Variants in HS2ST1 observed in about 807,000 individuals in gnomAD.
The protein encoded by HS2ST1 is heparan sulfate 2-O-sulfotransferase 1, also known as 2-O-sulfotransferase.
A neutral mutation model predicts 42.9 loss-of-function variants in HS2ST1; 18 were observed. The observed-to-expected ratio is 0.42, with a 90% CI of 0.29 to 0.62. The LOEUF is 0.62. Ranked by LOEUF, HS2ST1 falls within the 20% of genes least tolerant of loss-of-function variation. The probability of loss-of-function intolerance (pLI) is 0.21; values close to 1 mark genes in which losing one functional copy is unlikely to be tolerated. For missense variants in HS2ST1, 334 were observed against 433.8 expected, an observed-to-expected ratio of 0.77 and a Z score of 2.04; for synonymous variants, 146 against 152.9, an observed-to-expected ratio of 0.95 and a Z score of 0.33.
At chr1:87,033,896 A>T (rs2390217) in intron 1 of HS2ST1, among the ~76,000 whole-genome samples, 111,955 of 152,110 alleles carry the variant, frequency 0.74, 42,759 homozygotes, top group East Asian at 0.97. Context: ...TGTTGACTTA[A>T]AATTCCTTAT....
At chr1:87,021,786 G>T (rs1446871937) in intron 1 of HS2ST1, among the ~76,000 whole-genome samples, 1 of 152,158 alleles carries the variant, frequency 6.6e-6, no homozygotes, top group Non-Finnish European at 1.5e-5. Flanking sequence ...AAAGTGCTGA[G>T]ATTATAGGCA....
chr1:87,047,757 A>G (rs988408970), intron 1 of HS2ST1, among the ~76,000 whole-genome samples: 1 of 152,148 alleles, frequency 6.6e-6, no homozygotes, highest in African/African-American at 2.4e-5. Flanking sequence ...TCAATTGATC[A>G]TATTTGTATA....
At chr1:86,954,040 TAAAAAAAAAAAAAA>T (rs367757359) in intron 1 of HS2ST1, among the ~76,000 whole-genome samples, 23 of 67,360 alleles carry the variant, frequency 3.4e-4, no homozygotes, top group South Asian at 2.9e-3. Flanking sequence ...CTGTTTTTTT[TAAAAAAAAAAAAAA>T]AAAAAAAAAA....
intron 1 of HS2ST1, among the ~76,000 whole-genome samples, chr1:86,918,678 T>C (rs1349325153): frequency 1.3e-5 from 2 of 152,050 alleles, no homozygotes; most frequent in Non-Finnish European, 2.9e-5. Flanking sequence ...AAATCTACTT[T>C]TCAACATTTT....
chr1:87,028,528 TC>T (rs771765356), intron 1 of HS2ST1, among the ~76,000 whole-genome samples: 1 of 152,230 alleles, frequency 6.6e-6, no homozygotes, highest in Non-Finnish European at 1.5e-5. Context: ...AGAGCGTTTC[TC>T]ACTGTTTTCC....
At chr1:86,997,063 G>T (rs149311887) in intron 1 of HS2ST1, among the ~76,000 whole-genome samples, 1 of 152,166 alleles carries the variant, frequency 6.6e-6, no homozygotes, top group African/African-American at 2.4e-5. Flanking sequence ...AGCTCATGAA[G>T]TGATCTCCAT....
At chr1:87,002,910 TTTAA>T (rs1306771952) in intron 1 of HS2ST1, among the ~76,000 whole-genome samples, 28 of 152,334 alleles carry the variant, frequency 1.8e-4, no homozygotes, top group Middle Eastern at 3.4e-3. Flanking sequence ...AGTGGAACTA[TTTAA>T]TTAAAATCTG....
At chr1:86,927,452 T>C (rs1660446773) in intron 1 of HS2ST1, among the ~76,000 whole-genome samples, 1 of 152,178 alleles carries the variant, frequency 6.6e-6, no homozygotes, top group Non-Finnish European at 1.5e-5. Context: ...GATTTGCTGC[T>C]TATATAGCAA....
At chr1:87,058,447 G>A (rs1651032102) in intron 1 of HS2ST1, among the ~76,000 whole-genome samples, 1 of 151,054 alleles carries the variant, frequency 6.6e-6, no homozygotes, top group Admixed American at 6.6e-5. Flanking sequence ...GCACTGTTTT[G>A]TTTTGTTTTT....
Position 87,016,628 on chromosome 1 carries a change from T to A in HS2ST1, c.125-56306T>A, listed in dbSNP as rs74097513. 3.9e-3 allele frequency among the ~76,000 whole-genome samples: 594 copies of A among 152,330 alleles called. 3 individuals carry two copies. Among genetic ancestry groups the A allele is most frequent in the African/African-American group, 0.014 (576 of 41,574 alleles). On this transcript the variant is annotated intron_variant, in intron 1 of 6. Coordinates refer to ENST00000370550, the MANE Select transcript of HS2ST1 (RefSeq NM_012262.4). ...ATAAGGGAATAGCATCAATATAATA[T>A]AGAAGTGAAGTTGGTTTATAATAAT...
At chr1:87,057,298 A>G (rs992100493) in intron 1 of HS2ST1, among the ~76,000 whole-genome samples, 3 of 152,180 alleles carry the variant, frequency 2.0e-5, no homozygotes, top group Non-Finnish European at 2.9e-5. Context: ...CTTTAAGTGT[A>G]TAAAAGGTTC....
intron 1 of HS2ST1, among the ~76,000 whole-genome samples, chr1:87,003,754 A>G (rs1040516596): frequency 6.6e-6 from 1 of 152,194 alleles, no homozygotes; most frequent in African/African-American, 2.4e-5. Context: ...CAGTATAACA[A>G]CCATTTACAT....
chr1:86,969,511 T>G (rs1244371489), intron 1 of HS2ST1, among the ~76,000 whole-genome samples: 2 of 152,220 alleles, frequency 1.3e-5, no homozygotes, highest in Non-Finnish European at 2.9e-5. Flanking sequence ...TTCTAAGAGC[T>G]AGACTTTCAT....
chr1:86,915,332 A>G (rs767687603), intron 1 of HS2ST1, among the ~76,000 whole-genome samples, 172 bp downstream of exon 1: 26 of 152,166 alleles, frequency 1.7e-4, no homozygotes, highest in Non-Finnish European at 3.1e-4. Context: ...GAATGGGTTG[A>G]ATTAAGCTTG....
chr1:87,096,938 C>T (rs1385128542), intron 4 of HS2ST1, among the ~76,000 whole-genome samples: 3 of 152,182 alleles, frequency 2.0e-5, no homozygotes, highest in African/African-American at 7.2e-5. Context: ...AAATCTGGCA[C>T]AAATGATAAT....
intron 1 of HS2ST1, among the ~76,000 whole-genome samples, chr1:87,048,118 A>G (rs1165241878): frequency 1.3e-5 from 2 of 152,040 alleles, no homozygotes; most frequent in African/African-American, 4.8e-5. Context: ...TATAATTTTT[A>G]CTGTATGGTC....
chr1:87,103,689 A>G, intron 6 of HS2ST1, 100 bp downstream of exon 6: 1 of 975,030 alleles, frequency 1.0e-6, no homozygotes, highest in Non-Finnish European at 1.5e-6. Context: ...GTGAAACACA[A>G]CAGATAGCTC....
chr1:87,101,184 T>TTTTTTTTTG (rs1307846838), intron 5 of HS2ST1, among the ~76,000 whole-genome samples: 1 of 138,270 alleles, frequency 7.2e-6, no homozygotes, highest in Non-Finnish European at 1.5e-5. Flanking sequence ...TTTTTTTTTT[T>TTTTTTTTTG]TGAGGCAGTC....
chr1:87,056,297 G>A (rs1650967249), intron 1 of HS2ST1, among the ~76,000 whole-genome samples: 1 of 152,150 alleles, frequency 6.6e-6, no homozygotes, highest in African/African-American at 2.4e-5. Context: ...ACAGCATGAA[G>A]CCCTTACCAG....
Sources: gnomAD v4.1 joint callset for allele counts (sites outside exome capture counted in the v4.1 genomes callset) on GRCh38, gnomAD v4.1.1 for gene constraint, MANE v1.5 for transcripts, NCBI Gene and HGNC (gene_info 2026-07-23, HGNC 2026-07-21) for gene names.